BAHD1: variants seen among roughly 807,000 people sequenced by gnomAD.
BAHD1 encodes the protein bromo adjacent homology domain containing 1, also known as bromo adjacent homology domain-containing 1 protein.
Under a neutral mutation model 63.1 loss-of-function variants are expected in BAHD1, and 20 were observed. That is an observed-to-expected ratio of 0.32 (90% CI 0.22 to 0.46). The LOEUF (loss-of-function observed/expected upper bound fraction) is 0.46. Among genes scored for constraint, BAHD1 ranks in the 20% least tolerant of loss-of-function variants. The pLI is 1.00. For synonymous variants in BAHD1, 408 were observed against 426.8 expected (o/e 0.96, Z 0.54); for missense variants, 939 against 1,071.8 (o/e 0.88, Z 1.73).
upstream of BAHD1, among the ~76,000 whole-genome samples, chr15:40,440,517 T>TG (rs1034481362): frequency 3.6e-5 from 3 of 84,144 alleles, no homozygotes; most frequent in Admixed American, 4.1e-4. Context: ...GGGGAGGATT[T>TG]GGGGGAAAGG....
At position 40,458,216 on chromosome 15, in the gene BAHD1, G is replaced by A. The variant is rs1469247900; in HGVS notation, c.-14-235G>A. On this transcript the variant is annotated intron_variant, in intron 1 of 6. Transcript: ENST00000416165. The surrounding 1 kb of genome is among the most constrained non-coding windows in gnomAD (Gnocchi z 4.7). ...AGGCTCTTCAGGGGCTTAGTTCAGAGATACCCTAGGCTAAAAGGAAAGAGG... is the reference window on the plus strand; with the variant it reads ...AGGCTCTTCAGGGGCTTAGTTCAGAAATACCCTAGGCTAAAAGGAAAGAGG... 2.0e-5 allele frequency among the ~76,000 whole-genome samples: 3 copies of A among 152,124 alleles called. No homozygotes were observed. The highest frequency in any genetic ancestry group is 7.2e-5 in the African/African-American group (3 of 41,412).
intron 1 of BAHD1, among the ~76,000 whole-genome samples, chr15:40,442,538 A>G (rs1893433533): frequency 6.6e-6 from 1 of 152,184 alleles, no homozygotes; most frequent in East Asian, 1.9e-4. Flanking sequence ...TTCAACAAGC[A>G]GAGTCTGCCT....
At chr15:40,460,435 A>G in intron 2 of BAHD1, among the ~76,000 whole-genome samples, 1 of 152,148 alleles carries the variant, frequency 6.6e-6, no homozygotes, top group East Asian at 1.9e-4. Flanking sequence ...CTATAGAGGC[A>G]TTGAAAGAGA....
At position 40,467,366 on chromosome 15, in the gene BAHD1, G is replaced by A. The variant is rs896219417; in HGVS notation, c.*1236G>A. 14 of 153,130 alleles carry A rather than the reference G, an allele frequency of 9.1e-5. No homozygotes were observed. The highest frequency in any genetic ancestry group is 3.1e-4 in the African/African-American group (13 of 41,484). The allele number at this position is 153,130 out of a possible 1,614,324, so 9.5% of individuals were successfully genotyped here. On this transcript the variant is annotated 3_prime_UTR_variant, in exon 7 of 7. Coordinates refer to ENST00000416165, the MANE Select transcript of BAHD1 (RefSeq NM_014952.5). Reference sequence around the variant, plus strand: ...CTGGTTATTTCCTATCTGTACCAAAGAGGAGTATGGTGGGAGAGGGAGTGG... The same window carrying A: ...CTGGTTATTTCCTATCTGTACCAAAAAGGAGTATGGTGGGAGAGGGAGTGG...
At chr15:40,457,259 G>C (rs907001272) in intron 1 of BAHD1, among the ~76,000 whole-genome samples, 1 of 152,186 alleles carries the variant, frequency 6.6e-6, no homozygotes, top group African/African-American at 2.4e-5. Flanking sequence ...AAAGCTGTAT[G>C]GCAGGTCTAC....
At chr15:40,464,100 A>T in intron 4 of BAHD1, 80 bp downstream of exon 4, 1 of 1,504,946 alleles carries the variant, frequency 6.6e-7, no homozygotes, top group South Asian at 1.2e-5. Flanking sequence ...CCCTGCCTGG[A>T]GTTTGACCTG....
At chr15:40,445,919 C>T (rs958211283) in intron 1 of BAHD1, among the ~76,000 whole-genome samples, 4 of 152,164 alleles carry the variant, frequency 2.6e-5, no homozygotes, top group Admixed American at 6.5e-5. Context: ...GGTTTCCTGG[C>T]GTTGACTTGA....
chr15:40,455,144 C>T (rs960591150), intron 1 of BAHD1, among the ~76,000 whole-genome samples: 4 of 152,182 alleles, frequency 2.6e-5, no homozygotes, highest in South Asian at 2.1e-4. Flanking sequence ...AGCTATTTTG[C>T]GACGTGCTTT....
upstream of BAHD1, among the ~76,000 whole-genome samples, chr15:40,438,704 A>T (rs909566815): frequency 6.6e-6 from 1 of 151,898 alleles, no homozygotes; most frequent in Non-Finnish European, 1.5e-5. Flanking sequence ...CCAGGAAGAC[A>T]CCCAATCCTG....
chr15:40,444,834 C>G (rs992608189), intron 1 of BAHD1, among the ~76,000 whole-genome samples: 1 of 152,130 alleles, frequency 6.6e-6, no homozygotes, highest in African/African-American at 2.4e-5. Flanking sequence ...TATTCTGCAT[C>G]CATCCCCTTT....
At chr15:40,440,769 G>A (rs1042002607), upstream of BAHD1, among the ~76,000 whole-genome samples, 41 of 151,968 alleles carry the variant, frequency 2.7e-4, no homozygotes, top group Admixed American at 2.3e-3. Context: ...TGCCCCCTGC[G>A]TTGGGACGAC....
chr15:40,448,702 A>G (rs1413151720), intron 1 of BAHD1, among the ~76,000 whole-genome samples: 1 of 152,016 alleles, frequency 6.6e-6, no homozygotes, highest in Non-Finnish European at 1.5e-5. Flanking sequence ...ATGCCCGACT[A>G]ATTTTTTATT....
chr15:40,462,354 G>A, intron 3 of BAHD1, 60 bp downstream of exon 3: 2 of 1,543,326 alleles, frequency 1.3e-6, no homozygotes, highest in Non-Finnish European at 1.8e-6. Context: ...CACATGACCT[G>A]CAGTGAGGTA....
intron 1 of BAHD1, among the ~76,000 whole-genome samples, chr15:40,456,117 C>T (rs1450144585): frequency 6.6e-6 from 1 of 152,178 alleles, no homozygotes; most frequent in Non-Finnish European, 1.5e-5. Context: ...GGACTACGGG[C>T]TCATGCCAGC....
rs920274540 is a variant in BAHD1, at chr15:40,441,116, C to G, written c.-167C>G. Reference sequence around the variant, plus strand: ...GCCCCGCCCGGCCGCGGTCCCCGCTCCGCCCGCCCGGCCCCGGCCCCCAGG... The same window carrying G: ...GCCCCGCCCGGCCGCGGTCCCCGCTGCGCCCGCCCGGCCCCGGCCCCCAGG... On this transcript the variant is annotated 5_prime_UTR_variant, in exon 1 of 7. Transcript: ENST00000416165. The G allele has an allele frequency of 6.7e-6, 1 of 148,218 alleles. No individual in the cohort carries two copies. Among genetic ancestry groups the G allele is most frequent in the Non-Finnish European group, 1.5e-5 (1 of 66,568 alleles). The allele number at this position is 148,218 out of a possible 1,614,324, so 9.2% of individuals were successfully genotyped here. A position where few individuals can be genotyped will look rare whatever the true frequency, so the allele number is the denominator to read the frequency against.
At chr15:40,465,071 T>C (rs995072977) in intron 5 of BAHD1, 2 of 518,340 alleles carry the variant, frequency 3.9e-6, no homozygotes, top group Non-Finnish European at 7.0e-6. Context: ...TCTCCTACGC[T>C]AGGCAGGGCT....
At chr15:40,463,393 C>T (rs990228280) in intron 3 of BAHD1, among the ~76,000 whole-genome samples, 1 of 152,188 alleles carries the variant, frequency 6.6e-6, no homozygotes, top group African/African-American at 2.4e-5. Flanking sequence ...AGTATTATGC[C>T]CTTTAATCCT....
At chr15:40,440,734 A>C (rs866803545), upstream of BAHD1, among the ~76,000 whole-genome samples, 772 of 150,716 alleles carry the variant, frequency 5.1e-3, 1 homozygote, top group Non-Finnish European at 7.4e-3. Flanking sequence ...CACTCCCCGC[A>C]CCGCCTCCCC....
chr15:40,462,810 T>C (rs1894091443), intron 3 of BAHD1, among the ~76,000 whole-genome samples: 1 of 152,066 alleles, frequency 6.6e-6, no homozygotes, highest in African/African-American at 2.4e-5. Context: ...CTGAGCAATA[T>C]AGACCTCATC....
Sources: gnomAD v4.1 joint callset for allele counts (sites outside exome capture counted in the v4.1 genomes callset) on GRCh38, gnomAD v4.1.1 for gene constraint, Gnocchi (gnomAD v3.1) non-coding constraint, MANE v1.5 for transcripts, NCBI Gene and HGNC (gene_info 2026-07-23, HGNC 2026-07-21) for gene names.